Variants in CACNA1E observed in about 807,000 individuals in gnomAD.
The protein encoded by CACNA1E is voltage-dependent R-type calcium channel subunit alpha-1E.
A neutral mutation model predicts 259.2 loss-of-function variants in CACNA1E; 40 were observed. That is an observed-to-expected ratio of 0.15 (90% confidence interval 0.12 to 0.20). The LOEUF (loss-of-function observed/expected upper bound fraction) is 0.20. Among genes scored for constraint, CACNA1E ranks in the 10% least tolerant of loss-of-function variants. The probability of loss-of-function intolerance (pLI) is 1.00; values close to 1 mark genes in which losing one functional copy is unlikely to be tolerated. For synonymous variants in CACNA1E, 1,104 were observed against 1,138.5 expected (o/e 0.97, Z 0.61); for missense variants, 1,874 against 3,040.1 (o/e 0.62, Z 9.02).
At chr1:181,540,946 A>G (rs543265075) in intron 3 of CACNA1E, among the ~76,000 whole-genome samples, 3 of 152,344 alleles carry the variant, frequency 2.0e-5, no homozygotes, top group African/African-American at 7.2e-5. Flanking sequence ...GTAACGTGGT[A>G]TTCAAATGCT....
chr1:181,498,474 G>T (rs1247078824), intron 1 of CACNA1E, among the ~76,000 whole-genome samples: 1 of 152,174 alleles, frequency 6.6e-6, no homozygotes, highest in Non-Finnish European at 1.5e-5. Context: ...GTCCCTGGGT[G>T]TGCCAGGATT....
rs377297262 is a variant in CACNA1E at position 181,719,808 on chromosome 1, T to C, written c.1696T>C (p.Phe566Leu). 2 of 1,604,996 alleles carry C rather than the reference T, an allele frequency of 1.2e-6. No homozygotes were observed. Among genetic ancestry groups the C allele is most frequent in the African/African-American group, 1.3e-5 (1 of 74,802 alleles). ...VWAIFRPGTS[F>L]GISVLRALRL... ...GGCAATCTTCAGACCTGGTACGTCT[T>C]TTGGAATCAGTGTCTTGCGAGCCCT... Residue 566 changes from phenylalanine to leucine, a missense_variant, in exon 13 of 48, where the codon TTT becomes CTT. By Grantham distance (22) the Phe-to-Leu change is conservative (BLOSUM62 0). Coordinates refer to ENST00000367573, the MANE Select transcript of CACNA1E (RefSeq NM_001205293.3).
At chr1:181,425,562 C>G (rs1366668897) in intron 2 of CACNA1E, among the ~76,000 whole-genome samples, 6 of 126,930 alleles carry the variant, frequency 4.7e-5, no homozygotes, top group African/African-American at 1.8e-4. Context: ...GAGTTAGACA[C>G]CTATAGAATT....
chr1:181,645,367 G>C (rs758758409), intron 6 of CACNA1E, among the ~76,000 whole-genome samples: 2 of 152,094 alleles, frequency 1.3e-5, no homozygotes, highest in Non-Finnish European at 2.9e-5. Context: ...CATCCACACA[G>C]AGCTCCAGGG....
At chr1:181,714,739 C>A (rs1396083175) in intron 8 of CACNA1E, among the ~76,000 whole-genome samples, 1 of 152,272 alleles carries the variant, frequency 6.6e-6, no homozygotes, top group East Asian at 1.9e-4. Context: ...ATGATTGGCC[C>A]AAGCCTCTTT....
intron 17 of CACNA1E, among the ~76,000 whole-genome samples, chr1:181,725,109 G>A (rs774228560): frequency 3.9e-5 from 6 of 152,210 alleles, no homozygotes; most frequent in Admixed American, 1.3e-4. Context: ...GCAGTGGGAT[G>A]GTCTACAGAG....
At chr1:181,425,531 T>TCCCCCCC (rs1201398954) in intron 2 of CACNA1E, among the ~76,000 whole-genome samples, 11 of 57,722 alleles carry the variant, frequency 1.9e-4, no homozygotes, top group East Asian at 5.3e-4. Flanking sequence ...ACACCCCCGC[T>TCCCCCCC]CCCCCCCCCG....
chr1:181,748,220 G>A (rs1043299028), intron 25 of CACNA1E, among the ~76,000 whole-genome samples: 88 of 152,296 alleles, frequency 5.8e-4, no homozygotes, highest in African/African-American at 2.1e-3. Flanking sequence ...CCCCCCCAGT[G>A]GTTTGGCAGC....
At chr1:181,739,375 A>T in intron 25 of CACNA1E, 122 bp downstream of exon 25, 1 of 740,512 alleles carries the variant, frequency 1.4e-6, no homozygotes, top group Non-Finnish European at 2.4e-6. Context: ...CCCCGCTGGA[A>T]ATCTGCTCCC....
chr1:181,501,968 G>A (rs1404626926), intron 1 of CACNA1E, among the ~76,000 whole-genome samples: 3 of 152,112 alleles, frequency 2.0e-5, no homozygotes, highest in Non-Finnish European at 4.4e-5. Flanking sequence ...GATGAGGTTG[G>A]GTGGTGAGAA....
chr1:181,557,124 C>T (rs765374307), intron 3 of CACNA1E, among the ~76,000 whole-genome samples: 7 of 152,090 alleles, frequency 4.6e-5, no homozygotes, highest in Non-Finnish European at 7.4e-5. Context: ...TGTGTGGGAT[C>T]AACATTCCCA....
At chr1:181,765,257 A>C (rs1159075538) in intron 34 of CACNA1E, among the ~76,000 whole-genome samples, 1 of 152,176 alleles carries the variant, frequency 6.6e-6, no homozygotes, top group Non-Finnish European at 1.5e-5. Flanking sequence ...ACATGACAAG[A>C]AAGGAAAACA....
At chr1:181,741,879 G>A (rs1039434328) in intron 25 of CACNA1E, among the ~76,000 whole-genome samples, 1 of 152,134 alleles carries the variant, frequency 6.6e-6, no homozygotes, top group Non-Finnish European at 1.5e-5. Flanking sequence ...CTCGTTCTGG[G>A]GTCCACACTT....
intron 1 of CACNA1E, among the ~76,000 whole-genome samples, chr1:181,489,571 C>G (rs1024874645): frequency 2.0e-5 from 3 of 152,166 alleles, no homozygotes; most frequent in African/African-American, 7.2e-5. Context: ...CCTACCCAGC[C>G]CTGTTACATT....
At chr1:181,520,734 C>T (rs985771007) in intron 3 of CACNA1E, among the ~76,000 whole-genome samples, 5 of 152,158 alleles carry the variant, frequency 3.3e-5, no homozygotes, top group Non-Finnish European at 7.4e-5. Flanking sequence ...ACAGTCATTA[C>T]CCATAAGAAC....
In CACNA1E at chr1:181,566,471, T is replaced by C. The variant is rs923483845; in HGVS notation, c.513-11295T>C. On this transcript the variant is annotated intron_variant, in intron 3 of 47. Transcript: ENST00000367573. The stretch of plus-strand genomic sequence containing the variant: ...CTCCTAGCTGTGTCTGAGTGAATAA[T>C]CAGGGACTTTCTCAGAAAAGAGAAG... 3.3e-5 allele frequency among the ~76,000 whole-genome samples: 5 copies of C among 152,224 alleles called. 1 individual carries two copies. The highest frequency in any genetic ancestry group is 2.4e-5 in the African/African-American group (1 of 41,460).
At chr1:181,657,088 CAA>C (rs947300565) in intron 7 of CACNA1E, among the ~76,000 whole-genome samples, 1 of 151,936 alleles carries the variant, frequency 6.6e-6, no homozygotes, top group African/African-American at 2.4e-5. Flanking sequence ...CACACATACA[CAA>C]AAAAACACTC....
intron 6 of CACNA1E, among the ~76,000 whole-genome samples, chr1:181,640,546 A>G (rs1169695260): frequency 2.0e-5 from 3 of 152,226 alleles, no homozygotes; most frequent in African/African-American, 7.2e-5. Flanking sequence ...ATACACAATC[A>G]TTAATTAAAA....
At chr1:181,709,372 T>A (rs1322764761) in intron 7 of CACNA1E, among the ~76,000 whole-genome samples, 1 of 150,960 alleles carries the variant, frequency 6.6e-6, no homozygotes, top group African/African-American at 2.4e-5. Flanking sequence ...GAATTTGTCC[T>A]TCCGGTGTGC....
Sources: gnomAD v4.1 joint callset for allele counts (sites outside exome capture counted in the v4.1 genomes callset) on GRCh38, gnomAD v4.1.1 for gene constraint, MANE v1.5 for transcripts, NCBI Gene and HGNC (gene_info 2026-07-23, HGNC 2026-07-21) for gene names.